AK9: variants seen among roughly 807,000 people sequenced by gnomAD.
AK9 encodes adenylate kinase 9, also known as adenylate kinase domain containing 1.
In AK9, 191 loss-of-function variants were observed where a neutral mutation model predicts 239.6. That is an observed-to-expected ratio of 0.80 (90% CI 0.71 to 0.90). The LOEUF (loss-of-function observed/expected upper bound fraction) is 0.90. Ranked by LOEUF, AK9 falls within the 40% of genes least tolerant of loss-of-function variation. The pLI is 0.00. For synonymous variants in AK9, 689 were observed against 721.0 expected, an observed-to-expected ratio of 0.96 and a Z score of 0.71; for missense variants, 1,995 against 2,214.7, an observed-to-expected ratio of 0.90 and a Z score of 1.99.
chr6:109,555,101 G>A (rs1208622478), intron 24 of AK9, among the ~76,000 whole-genome samples: 1 of 152,102 alleles, frequency 6.6e-6, no homozygotes, highest in Non-Finnish European at 1.5e-5. Context: ...TCATTGTGAT[G>A]TTAGGGTGTC....
chr6:109,662,176 G>A (rs911486079), intron 6 of AK9, among the ~76,000 whole-genome samples: 10 of 152,186 alleles, frequency 6.6e-5, no homozygotes, highest in African/African-American at 2.4e-4. Flanking sequence ...AACATGACAG[G>A]GAGCGGAGAG....
chr6:109,502,185 A>C (rs1270641582), intron 35 of AK9, among the ~76,000 whole-genome samples: 2 of 152,212 alleles, frequency 1.3e-5, no homozygotes, highest in African/African-American at 4.8e-5. Context: ...GAATAAACAG[A>C]ATATGGCAAA....
intron 12 of AK9, among the ~76,000 whole-genome samples, chr6:109,619,497 A>G (rs949360131): frequency 2.0e-5 from 3 of 152,094 alleles, no homozygotes; most frequent in African/African-American, 7.2e-5. Context: ...CAGATTATGT[A>G]TATATTTTGA....
In AK9 at chr6:109,529,052, T is replaced by C. The variant is rs28461496; in HGVS notation, c.3592A>G (p.Arg1198Gly). 2 of 1,582,744 alleles carry C rather than the reference T, an allele frequency of 1.3e-6. No individual in the cohort carries two copies. The highest frequency in any genetic ancestry group is 1.4e-5 in the African/African-American group (1 of 73,188). The part of the protein sequence containing the change: ...KIRVDTIAKR[R>G]AELILERDKK... ...TCTCTCTCTAATATAAGTTCAGCCC[T>C]TCTTTTAGCAATCGTATCAACCTGT... Residue 1198 changes from arginine (R) to glycine (G), a missense_variant, in exon 29 of 41, where the codon AGG becomes GGG. This residue lies in a region of AK9 where 1,290 missense variants were observed against 1,392.7 expected (regional missense o/e 0.93). Coordinates refer to ENST00000424296, the MANE Select transcript of AK9 (RefSeq NM_001145128.3).
chr6:109,516,395 T>C, intron 30 of AK9, 35 bp downstream of exon 30: 1 of 1,515,586 alleles, frequency 6.6e-7, no homozygotes, highest in South Asian at 1.2e-5. Context: ...CAAATATTAC[T>C]TTTGAATTAT....
intron 5 of AK9, among the ~76,000 whole-genome samples, chr6:109,663,715 T>G (rs1237009350): frequency 6.6e-6 from 1 of 152,200 alleles, no homozygotes; most frequent in East Asian, 1.9e-4. Flanking sequence ...AAATTAGGCA[T>G]GGGTTACAGG....
intron 10 of AK9, among the ~76,000 whole-genome samples, chr6:109,637,538 T>G (rs1796875975): frequency 6.6e-6 from 1 of 152,162 alleles, no homozygotes; most frequent in Non-Finnish European, 1.5e-5. Flanking sequence ...AGTTTTTTTG[T>G]ATTTTTCTTT....
intron 10 of AK9, among the ~76,000 whole-genome samples, chr6:109,634,852 A>G (rs748329565): frequency 3.3e-5 from 5 of 152,214 alleles, no homozygotes. Context: ...CCATACATGA[A>G]AAAAGTATTT....
At chr6:109,645,226 A>C (rs949851658) in intron 8 of AK9, among the ~76,000 whole-genome samples, 4 of 152,158 alleles carry the variant, frequency 2.6e-5, no homozygotes, top group Non-Finnish European at 5.9e-5. Flanking sequence ...GGTGCAGCCC[A>C]TGGAGGGCGA....
chr6:109,640,560 C>A (rs963156517), intron 10 of AK9, among the ~76,000 whole-genome samples: 3 of 145,626 alleles, frequency 2.1e-5, no homozygotes, highest in African/African-American at 7.6e-5. Flanking sequence ...ATTTGGCCAT[C>A]TTGGAACTCC....
chr6:109,511,853 C>CA (rs1309432443), intron 32 of AK9, among the ~76,000 whole-genome samples: 1 of 151,928 alleles, frequency 6.6e-6, no homozygotes, highest in Non-Finnish European at 1.5e-5. Flanking sequence ...ACCATTTCAA[C>CA]AAAAAAATGA....
intron 9 of AK9, 146 bp downstream of exon 9, chr6:109,644,468 C>T (rs556498217): frequency 3.4e-6 from 2 of 590,186 alleles, no homozygotes; most frequent in African/African-American, 3.9e-5. Context: ...AACAGAACAT[C>T]AAAATTTTAA....
chr6:109,551,681 C>A (rs1388655776), intron 24 of AK9, among the ~76,000 whole-genome samples: 1 of 151,758 alleles, frequency 6.6e-6, no homozygotes, highest in Non-Finnish European at 1.5e-5. Flanking sequence ...TTTTATCTTT[C>A]TTCCTAAGCC....
At chr6:109,672,743 G>T (rs1203809804) in intron 3 of AK9, among the ~76,000 whole-genome samples, 4 of 151,998 alleles carry the variant, frequency 2.6e-5, no homozygotes. Flanking sequence ...CTCTGTAAAC[G>T]CCTCTGCACC....
At chr6:109,520,770 C>T (rs989122934) in intron 29 of AK9, among the ~76,000 whole-genome samples, 2 of 152,046 alleles carry the variant, frequency 1.3e-5, no homozygotes, top group African/African-American at 2.4e-5. Context: ...TTTGTGTTGT[C>T]TCTGATTTCT....
rs3060798 is a variant in AK9, at chr6:109,632,862, C to CATAGATAGATAG, written c.1254+49_1254+60dup. 9.6e-3 allele frequency: 12,054 copies of CATAGATAGATAG among 1,253,688 alleles called. 66 individuals carry two copies. Among genetic ancestry groups the CATAGATAGATAG allele is most frequent in the East Asian group, 0.021 (779 of 37,682 alleles). The allele number at this position is 1,253,688 out of a possible 1,614,324, so 77.7% of individuals were successfully genotyped here. A position where few individuals can be genotyped will look rare whatever the true frequency, so the allele number is the denominator to read the frequency against. On this transcript the variant is annotated intron_variant, in intron 12 of 40. Transcript: ENST00000424296. ...CGAGTATAGATACATGACAGATAGA[C>CATAGATAGATAG]ATAGATAGATAGATAGATAGATAGA...
At chr6:109,601,587 T>C (rs1484620357) in intron 17 of AK9, among the ~76,000 whole-genome samples, 1 of 152,230 alleles carries the variant, frequency 6.6e-6, no homozygotes, top group African/African-American at 2.4e-5. Context: ...TGTAGATGTC[T>C]ATTAGGTCCA....
intron 35 of AK9, among the ~76,000 whole-genome samples, chr6:109,501,948 C>A (rs1021802711): frequency 1.3e-5 from 2 of 152,312 alleles, no homozygotes; most frequent in African/African-American, 4.8e-5. Context: ...CCATACCTTA[C>A]CACATAAAAT....
chr6:109,514,083 C>A lies in AK9; in HGVS notation c.4279+141G>T, dbSNP rs562040780. The A allele has an allele frequency of 3.3e-5, 26 of 797,094 alleles. No individual in the cohort carries two copies. The South Asian group carries it at 5.3e-4, about 16-fold the overall frequency. 49.4% of individuals were successfully genotyped at this position (797,094 alleles called of 1,614,324 possible). On this transcript the variant is annotated intron_variant, in intron 32 of 40. Coordinates refer to ENST00000424296, the MANE Select transcript of AK9 (RefSeq NM_001145128.3). ...AGGGAGACGGATTGGAGATTTCCTC[C>A]TGTCTCCTCACTCAGCCACCCTACG...
Sources: gnomAD v4.1 joint callset for allele counts (sites outside exome capture counted in the v4.1 genomes callset) on GRCh38, gnomAD v4.1.1 for gene constraint, gnomAD v4.1.1 regional missense constraint, MANE v1.5 for transcripts, NCBI Gene and HGNC (gene_info 2026-07-23, HGNC 2026-07-21) for gene names.